The following AGBL4 variants were observed in gnomAD, a reference collection of about 807,000 sequenced individuals.
AGBL4 encodes the protein AGBL carboxypeptidase 4, also known as cytosolic carboxypeptidase 6.
AGBL4 carries 58 observed loss-of-function variants against 66.4 expected under a neutral mutation model. That is an observed-to-expected ratio of 0.87 (90% confidence interval 0.71 to 1.09). The LOEUF (loss-of-function observed/expected upper bound fraction) is 1.09, where lower values mean the gene tolerates loss of function less well. Among genes scored for constraint, AGBL4 ranks in the 50% least tolerant of loss-of-function variants. AGBL4 has a pLI of 0.00. For synonymous variants in AGBL4, 234 were observed against 222.9 expected (o/e 1.05, Z -0.44); for missense variants, 579 against 631.0 (o/e 0.92, Z 0.88).
intron 6 of AGBL4, among the ~76,000 whole-genome samples, chr1:48,845,589 C>G (rs1184197168): frequency 6.6e-6 from 1 of 152,206 alleles, no homozygotes; most frequent in Non-Finnish European, 1.5e-5. Flanking sequence ...ATATGGAGTT[C>G]TCTACCTCCC....
chr1:49,652,259 C>A (rs1043326863), intron 3 of AGBL4, among the ~76,000 whole-genome samples: 1 of 152,146 alleles, frequency 6.6e-6, no homozygotes, highest in Admixed American at 6.5e-5. Flanking sequence ...AAAGAGTAGA[C>A]AACTTGGCAA....
At chr1:49,549,583 A>G (rs1223168628) in intron 3 of AGBL4, among the ~76,000 whole-genome samples, 1 of 152,140 alleles carries the variant, frequency 6.6e-6, no homozygotes, top group East Asian at 1.9e-4. Flanking sequence ...ATGTACTTGC[A>G]TGGCTTTGAA....
At chr1:49,410,899 T>C (rs578111937) in intron 3 of AGBL4, among the ~76,000 whole-genome samples, 1 of 152,304 alleles carries the variant, frequency 6.6e-6, no homozygotes, top group South Asian at 2.1e-4. Context: ...TGCCAGATGC[T>C]GTACTAAGGG....
chr1:48,611,980 G>A (rs1451258120), intron 9 of AGBL4, among the ~76,000 whole-genome samples: 1 of 152,248 alleles, frequency 6.6e-6, no homozygotes, highest in Non-Finnish European at 1.5e-5. Context: ...GCTAGGCTCA[G>A]ACACAAGGAG....
At chr1:49,301,584 A>C (rs1050461757) in intron 3 of AGBL4, among the ~76,000 whole-genome samples, 8 of 152,220 alleles carry the variant, frequency 5.3e-5, no homozygotes, top group African/African-American at 1.7e-4. Context: ...AATTCTGCTA[A>C]GGTATAGGAA....
chr1:49,257,386 T>A (rs890344613), intron 3 of AGBL4: 1 of 160,342 alleles, frequency 6.2e-6, no homozygotes. Context: ...CGGGCGCCCC[T>A]CCCCCAGCCT....
At chr1:49,757,467 T>C (rs1489260440) in intron 2 of AGBL4, among the ~76,000 whole-genome samples, 1 of 152,112 alleles carries the variant, frequency 6.6e-6, no homozygotes, top group African/African-American at 2.4e-5. Flanking sequence ...CGTGGGAAAG[T>C]TTGGATCTTC....
At chr1:49,293,759 G>T (rs1195989321) in intron 3 of AGBL4, among the ~76,000 whole-genome samples, 2 of 152,172 alleles carry the variant, frequency 1.3e-5, no homozygotes, top group African/African-American at 4.8e-5. Flanking sequence ...AGAAATAGTT[G>T]TCAACAGCTT....
At chr1:48,908,758 G>A (rs1352266310) in intron 5 of AGBL4, among the ~76,000 whole-genome samples, 2 of 152,116 alleles carry the variant, frequency 1.3e-5, no homozygotes. Context: ...TTACTCCAGA[G>A]CCTATGTTCC....
At chr1:49,708,905 C>T (rs555991556) in intron 2 of AGBL4, among the ~76,000 whole-genome samples, 10 of 152,306 alleles carry the variant, frequency 6.6e-5, no homozygotes, top group Middle Eastern at 3.4e-3. Flanking sequence ...GCAAAGATTG[C>T]TGCCTGCTCC....
At chr1:49,641,969 G>A (rs1645790010) in intron 3 of AGBL4, among the ~76,000 whole-genome samples, 1 of 151,938 alleles carries the variant, frequency 6.6e-6, no homozygotes. Context: ...GGATTTTACT[G>A]TATATTTATA....
At chr1:49,198,901 A>C (rs891068193) in intron 4 of AGBL4, among the ~76,000 whole-genome samples, 1 of 152,178 alleles carries the variant, frequency 6.6e-6, no homozygotes, top group African/African-American at 2.4e-5. Context: ...AACTAATTAG[A>C]GTAAATTCCA....
chr1:49,720,419 C>A (rs1466204660), intron 2 of AGBL4, among the ~76,000 whole-genome samples: 2 of 152,136 alleles, frequency 1.3e-5, no homozygotes, highest in African/African-American at 4.8e-5. Context: ...ATTTTGGCTA[C>A]TAGAAGAAGT....
intron 3 of AGBL4, among the ~76,000 whole-genome samples, chr1:49,671,825 C>CA (rs878934393): frequency 1.3e-5 from 2 of 151,912 alleles, no homozygotes; most frequent in Non-Finnish European, 2.9e-5. Flanking sequence ...AATTAAAAGT[C>CA]AAAAAAATAA....
chr1:48,542,030 C>T (rs1644081379), intron 11 of AGBL4, among the ~76,000 whole-genome samples: 1 of 152,070 alleles, frequency 6.6e-6, no homozygotes, highest in African/African-American at 2.4e-5. Context: ...TGTGTTTTTC[C>T]CCTCCCTGTG....
chr1:49,577,950 G>T (rs1644468564), intron 3 of AGBL4, among the ~76,000 whole-genome samples: 1 of 152,080 alleles, frequency 6.6e-6, no homozygotes, highest in African/African-American at 2.4e-5. Flanking sequence ...ATCAAGGGGT[G>T]GATATGGAAG....
At chr1:48,529,902 T>A (rs1409105038), downstream of AGBL4, among the ~76,000 whole-genome samples, 1 of 152,000 alleles carries the variant, frequency 6.6e-6, no homozygotes, top group Non-Finnish European at 1.5e-5. Context: ...TAGAAGAAGG[T>A]CAGACAGGTG....
intron 11 of AGBL4, among the ~76,000 whole-genome samples, chr1:48,569,930 G>T (rs1205629861): frequency 6.6e-6 from 1 of 152,174 alleles, no homozygotes; most frequent in Non-Finnish European, 1.5e-5. Flanking sequence ...ATGAAGTTGT[G>T]TTTTCAAATT....
chr1:48,670,324 A>G (rs1184398159), intron 6 of AGBL4, among the ~76,000 whole-genome samples: 1 of 152,248 alleles, frequency 6.6e-6, no homozygotes, highest in African/African-American at 2.4e-5. Flanking sequence ...GCAGAGGACC[A>G]GAAAGAACGA....
Sources: allele counts gnomAD v4.1 joint callset (sites outside exome capture counted in the v4.1 genomes callset), GRCh38; gene constraint gnomAD v4.1.1; transcripts MANE v1.5; gene names NCBI Gene and HGNC (gene_info 2026-07-23, HGNC 2026-07-21).